Variants in ACAP3 observed in about 807,000 individuals in gnomAD.
The protein encoded by ACAP3 is ArfGAP with coiled-coil, ankyrin repeat and PH domains 3, also known as arf-GAP with coiled-coil, ANK repeat and PH domain-containing protein 3.
In ACAP3, 56 loss-of-function variants were observed where a neutral mutation model predicts 104.1. That is an observed-to-expected ratio of 0.54 (90% CI 0.43 to 0.67). ACAP3 has a LOEUF of 0.67. Among genes scored for constraint, ACAP3 ranks in the 30% least tolerant of loss-of-function variants. The pLI is 0.00. For synonymous variants in ACAP3, 628 were observed against 496.2 expected, an observed-to-expected ratio of 1.27 and a Z score of -3.53; for missense variants, 1,208 against 1,174.9, an observed-to-expected ratio of 1.03 and a Z score of -0.41.
intron 5 of ACAP3, among the ~76,000 whole-genome samples, chr1:1,301,266 T>C (rs561416965): frequency 8.9e-5 from 13 of 146,012 alleles, no homozygotes; most frequent in African/African-American, 2.5e-4. Flanking sequence ...GTCTTTTTTT[T>C]TTTTTTTTTT....
In ACAP3 at chr1:1,294,550, C is replaced by G; in HGVS notation, c.1991G>C (p.Arg664Pro). Residue 664 changes from arginine to proline, a missense_variant, in exon 21 of 24, where the codon CGC becomes CCC. By Grantham distance (103) the Arg-to-Pro change is moderately radical (BLOSUM62 -2). Transcript: ENST00000354700. The stretch of plus-strand genomic sequence containing the variant: ...CGCCAAGAGCCCCGGGTGCAGCTCG[C>G]GCACGTCCGCCAGGCCCCAGGCCTC... ...EAEAWGLADV[R>P]ELHPGLLAHR... is the part of the protein sequence containing the mutation. The G allele has an allele frequency of 6.7e-7, 1 of 1,500,176 alleles. No homozygotes were observed. The highest frequency in any genetic ancestry group is 1.4e-5 in the African/African-American group (1 of 69,326). The allele number at this position is 1,500,176 out of a possible 1,614,324, so 92.9% of individuals were successfully genotyped here.
chr1:1,296,710 C>T, intron 14 of ACAP3, 77 bp from the exon 15 acceptor site: 1 of 1,439,904 alleles, frequency 6.9e-7, no homozygotes, highest in Admixed American at 2.0e-5. Context: ...TCCTCCCCAG[C>T]CAGAAGAGCC....
Position 1,303,585 on chromosome 1 carries a change from C to T in ACAP3, c.106-304G>A. ...TGTGGGGCTCATGGATAAGGCTGCC[C>T]ACTCCCAGCTCCACGGCCTGTTGCC... On this transcript the variant is annotated intron_variant, in intron 2 of 23. Transcript: ENST00000354700. This position sits in a 1 kb window ranked among gnomAD's most constrained non-coding sequence, Gnocchi z 4.0. The T allele has an allele frequency of 2.0e-6, 1 of 505,470 alleles. No individual in the cohort carries two copies. The highest frequency in any genetic ancestry group is 3.6e-6 in the Non-Finnish European group (1 of 281,200). 31.3% of individuals were successfully genotyped at this position (505,470 alleles called of 1,614,324 possible).
intron 18 of ACAP3, 43 bp from the exon 19 acceptor site, chr1:1,295,597 G>A: frequency 2.5e-6 from 4 of 1,595,784 alleles, no homozygotes; most frequent in Non-Finnish European, 3.4e-6. Flanking sequence ...CAGGCCCGGG[G>A]TGGGGCAGGG....
Position 1,296,205 on chromosome 1 carries a change from A to T in ACAP3, c.1407+6T>A. Reference sequence around the variant, plus strand: ...GTCCCGTGGCCTCCAGGAGCCCCACACGCACCTTTAGCAGCTCAGGCTCCC... The same window carrying T: ...GTCCCGTGGCCTCCAGGAGCCCCACTCGCACCTTTAGCAGCTCAGGCTCCC... On this transcript the variant is annotated splice_donor_region_variant and intron_variant, in intron 16 of 23. Transcript: ENST00000354700. The T allele has an allele frequency of 1.3e-6, 2 of 1,580,624 alleles. No individual in the cohort carries two copies. The highest frequency in any genetic ancestry group is 1.1e-5 in the South Asian group (1 of 87,972).
In ACAP3 at chr1:1,296,470, A is replaced by G; in HGVS notation, c.1292T>C (p.Ile431Thr). The G allele has an allele frequency of 6.5e-7, 1 of 1,545,888 alleles. No individual in the cohort carries two copies. The highest frequency in any genetic ancestry group is 8.7e-7 in the Non-Finnish European group (1 of 1,147,294). Residue 431 changes from isoleucine (I) to threonine (T), a missense_variant, in exon 15 of 24, where the codon ATC becomes ACC. By Grantham distance (89) the Ile-to-Thr change is moderately conservative. Transcript: ENST00000354700. ...AATGCAGAGCAGCACGCCCAGGTTG[A>G]TGCTGGCCCAGCGGGGGTCCGGCTG... ...CGQPDPRWAS[I>T]NLGVLLCIEC... is the part of the protein sequence containing the mutation.
chr1:1,301,778 T>TG, intron 5 of ACAP3: 1 of 419,042 alleles, frequency 2.4e-6, no homozygotes, highest in Non-Finnish European at 4.3e-6. Context: ...CTCTCTGCTG[T>TG]GGGGGCTGGA....
rs2281459 is a variant in ACAP3 at position 1,293,734 on chromosome 1, C to A, written c.2361-26G>T. 7,901 of 1,386,640 alleles carry A rather than the reference C, an allele frequency of 5.7e-3. 381 individuals are homozygous for A. In the East Asian group the frequency reaches 0.078, roughly 14 times the overall value. 85.9% of individuals were successfully genotyped at this position (1,386,640 alleles called of 1,614,324 possible). A position where few individuals can be genotyped will look rare whatever the true frequency, so the allele number is the denominator to read the frequency against. On this transcript the variant is annotated intron_variant, in intron 23 of 23. Coordinates refer to ENST00000354700, the MANE Select transcript of ACAP3 (RefSeq NM_030649.3). Reference sequence around the variant, plus strand: ...CTACGGGGAGGCACAGCGTGAGACGCCCCTGCCCTGGAGGCCCCGCCCCTG... The same window carrying A: ...CTACGGGGAGGCACAGCGTGAGACGACCCTGCCCTGGAGGCCCCGCCCCTG...
Position 1,303,042 on chromosome 1 carries a change from T to G in ACAP3, c.226-67A>C. On this transcript the variant is annotated intron_variant, in intron 3 of 23. Transcript: ENST00000354700. The surrounding 1 kb of genome is among the most constrained non-coding windows in gnomAD (Gnocchi z 4.0). ...GGGCCCAGGTCACCCAGCCACGCCC[T>G]CTGAGCCCCTGGGCGGTGCAGACAC... 6.4e-7 allele frequency: 1 copy of G among 1,565,064 alleles called. No homozygotes were observed. Among genetic ancestry groups the G allele is most frequent in the Non-Finnish European group, 8.7e-7 (1 of 1,154,046 alleles).
At chr1:1,294,695 G>A in intron 20 of ACAP3, 23 bp downstream of exon 20, 1 of 1,548,414 alleles carries the variant, frequency 6.5e-7, no homozygotes, top group Non-Finnish European at 8.7e-7. Flanking sequence ...AGGGGCCTCG[G>A]GCGAGGGCAA....
At chr1:1,307,580 G>A (rs1641794418) in intron 1 of ACAP3, among the ~76,000 whole-genome samples, 189 bp downstream of exon 1, 2 of 152,162 alleles carry the variant, frequency 1.3e-5, no homozygotes, top group Non-Finnish European at 2.9e-5. Flanking sequence ...CACAGGGCAG[G>A]AGCGTCTTTT....
At chr1:1,295,085 C>G (rs1234239486) in intron 19 of ACAP3, 7 of 560,380 alleles carry the variant, frequency 1.2e-5, no homozygotes, top group Admixed American at 3.3e-5. Context: ...CCGGCACCCC[C>G]CGCAGTGGGC....
chr1:1,295,826 G>A lies in ACAP3; in HGVS notation c.1615C>T (p.Leu539=), dbSNP rs769196184. ...APRRWRVQKC[L]RPHSSPRAPT... ...GCGCGGGGAGAGCTGTGGGGCCGCA[G>A]GCACTTCTGCACCCTCCAGCGTCTT... The change falls in exon 18 of 24, where the codon CTG becomes TTG. Residue 539 remains leucine (L), a synonymous_variant. Transcript: ENST00000354700. 6.2e-7 allele frequency: 1 copy of A among 1,611,036 alleles called. No homozygotes were observed. Among genetic ancestry groups the A allele is most frequent in the Admixed American group, 1.7e-5 (1 of 60,016 alleles).
Position 1,294,832 on chromosome 1 carries a change from G to A in ACAP3, c.1814-16C>T, listed in dbSNP as rs561209942. 6.4e-5 allele frequency: 99 copies of A among 1,549,096 alleles called. 1 individual carries two copies. The South Asian group carries it at 9.9e-4, about 15-fold the overall frequency. On this transcript the variant is annotated splice_polypyrimidine_tract_variant and intron_variant, in intron 19 of 23. Transcript: ENST00000354700. ...CTACTCAGACCTGCAGGTCCGCAGG[G>A]AAGGGGGTCCTGAGGGTGGGAGGCC...
At chr1:1,293,978 G>GGGCGA (rs765043562) in intron 22 of ACAP3, 45 bp from the exon 23 acceptor site, 46 of 1,478,894 alleles carry the variant, frequency 3.1e-5, no homozygotes, top group Non-Finnish European at 4.1e-5. Context: ...GGGCGGGGCG[G>GGGCGA]GGCGAGTGTG....
chr1:1,303,442 CTGCCT>C lies in ACAP3; in HGVS notation c.106-166_106-162del. 3.9e-6 allele frequency: 2 copies of C among 515,204 alleles called. No homozygotes were observed. Among genetic ancestry groups the C allele is most frequent in the Non-Finnish European group, 3.0e-6 (1 of 329,954 alleles). The allele number at this position is 515,204 out of a possible 1,614,324, so 31.9% of individuals were successfully genotyped here. Reference sequence around the variant, plus strand: ...CGGTGCAGCTTCCTCACGCCTGGGCCTGCCTGGGGCTTGGAGGCCCGTCTGGGAGG... The same window carrying C: ...CGGTGCAGCTTCCTCACGCCTGGGCCGGGGCTTGGAGGCCCGTCTGGGAGG... On this transcript the variant is annotated intron_variant, in intron 2 of 23. Transcript: ENST00000354700. This position sits in a 1 kb window ranked among gnomAD's most constrained non-coding sequence, Gnocchi z 4.0.
intron 9 of ACAP3, chr1:1,299,626 G>A (rs1419208748): frequency 1.4e-5 from 10 of 727,066 alleles, no homozygotes; most frequent in Admixed American, 3.1e-5. Context: ...CGCCTCAAAA[G>A]GAGATCCCAG....
At position 1,298,585 on chromosome 1, in the gene ACAP3, G is replaced by T. The variant is rs912363958; in HGVS notation, c.845C>A (p.Ala282Asp). 1 of 1,584,428 alleles carries T rather than the reference G, an allele frequency of 6.3e-7. No homozygotes were observed. Among genetic ancestry groups the T allele is most frequent in the African/African-American group, 1.4e-5 (1 of 70,200 alleles). Reference sequence around the variant, plus strand: ...CTCTCACCGGTTCCATGTCTTGAAAGCGTTGCTGGCCCTCTTGAAGAGGTA... The same window carrying T: ...CTCTCACCGGTTCCATGTCTTGAAATCGTTGCTGGCCCTCTTGAAGAGGTA... Reference protein sequence around the residue: ...EGYLFKRASNAFKTWNRRWFS... With the variant: ...EGYLFKRASNDFKTWNRRWFS... Residue 282 changes from alanine (A) to aspartate (D), a missense_variant, in exon 11 of 24, where the codon GCT (alanine) becomes GAT (aspartate). Transcript: ENST00000354700.
chr1:1,305,212 GTCCTCT>G (rs1388027442), intron 1 of ACAP3: 1 of 152,254 alleles, frequency 6.6e-6, no homozygotes, highest in Non-Finnish European at 1.5e-5. Context: ...AGGACACTAG[GTCCTCT>G]CTGAGCAGCC....
Sources: gnomAD v4.1 joint callset for allele counts (sites outside exome capture counted in the v4.1 genomes callset) on GRCh38, gnomAD v4.1.1 for gene constraint, Gnocchi (gnomAD v3.1) non-coding constraint, MANE v1.5 for transcripts, NCBI Gene and HGNC (gene_info 2026-07-23, HGNC 2026-07-21) for gene names.